TACR1: variants seen among roughly 807,000 people sequenced by gnomAD.
TACR1 encodes the protein tachykinin receptor 1.
A neutral mutation model predicts 35.8 loss-of-function variants in TACR1; 25 were observed. The observed-to-expected ratio is 0.70, with a 90% CI of 0.51 to 0.98. TACR1 has a LOEUF of 0.98. Ranked by LOEUF, TACR1 falls within the 50% of genes least tolerant of loss-of-function variation. TACR1 has a pLI of 0.00. For synonymous variants in TACR1, 195 were observed against 206.7 expected (o/e 0.94, Z 0.48); for missense variants, 478 against 522.9 (o/e 0.91, Z 0.84).
At chr2:75,118,584 C>T (rs1252676974) in intron 2 of TACR1, among the ~76,000 whole-genome samples, 3 of 152,096 alleles carry the variant, frequency 2.0e-5, no homozygotes, top group African/African-American at 2.4e-5. Flanking sequence ...ATTAAGACTC[C>T]CCCAAAATAT....
intron 2 of TACR1, among the ~76,000 whole-genome samples, chr2:75,113,014 C>T (rs903368895): frequency 1.3e-5 from 2 of 152,120 alleles, no homozygotes; most frequent in Non-Finnish European, 2.9e-5. Context: ...ACCAAATCTC[C>T]ATAATAAATG....
At chr2:75,073,021 A>G (rs1672912341) in intron 2 of TACR1, among the ~76,000 whole-genome samples, 1 of 152,178 alleles carries the variant, frequency 6.6e-6, no homozygotes, top group Non-Finnish European at 1.5e-5. Flanking sequence ...ATACTATCTC[A>G]ACACCAGAAA....
intron 2 of TACR1, among the ~76,000 whole-genome samples, chr2:75,073,931 T>A (rs1672929047): frequency 1.3e-5 from 2 of 152,182 alleles, no homozygotes; most frequent in African/African-American, 2.4e-5. Context: ...TCAAGGGCTG[T>A]GAACCTGAAG....
intron 1 of TACR1, among the ~76,000 whole-genome samples, chr2:75,152,971 C>T (rs753585256): frequency 3.9e-5 from 6 of 152,190 alleles, no homozygotes; most frequent in Non-Finnish European, 7.4e-5. Context: ...AGCGCAATCT[C>T]GGCTCACTGC....
chr2:75,100,290 C>G (rs538883248), intron 2 of TACR1, among the ~76,000 whole-genome samples: 1 of 152,346 alleles, frequency 6.6e-6, no homozygotes, highest in South Asian at 2.1e-4. Flanking sequence ...ATGCAAAGTT[C>G]TTGGCAGAGT....
At chr2:75,171,908 CTG>C (rs1265119172) in intron 1 of TACR1, among the ~76,000 whole-genome samples, 1 of 152,036 alleles carries the variant, frequency 6.6e-6, no homozygotes, top group East Asian at 1.9e-4. Flanking sequence ...AGACTTTGGA[CTG>C]TGTTTTTTTG....
intron 2 of TACR1, among the ~76,000 whole-genome samples, chr2:75,089,580 T>A (rs912130381): frequency 6.6e-6 from 1 of 152,166 alleles, no homozygotes; most frequent in Admixed American, 6.6e-5. Context: ...TTTAAAAAAA[T>A]AAGTGGAGCC....
At chr2:75,186,959 G>A (rs901726920) in intron 1 of TACR1, 2 of 152,270 alleles carry the variant, frequency 1.3e-5, no homozygotes, top group Non-Finnish European at 2.9e-5. Context: ...AAGAAAAAAG[G>A]ATGAAAACTT....
chr2:75,066,832 T>C (rs576014387), intron 2 of TACR1, among the ~76,000 whole-genome samples: 1 of 152,346 alleles, frequency 6.6e-6, no homozygotes, highest in South Asian at 2.1e-4. Flanking sequence ...GGATACTACA[T>C]TAATCAATTT....
chr2:75,149,314 C>G (rs1014014048), intron 1 of TACR1, among the ~76,000 whole-genome samples: 2 of 152,150 alleles, frequency 1.3e-5, no homozygotes. Flanking sequence ...AGAAACGAAT[C>G]TATAAATTAC....
chr2:75,178,324 G>A (rs56204739), intron 1 of TACR1, among the ~76,000 whole-genome samples: 22,193 of 151,486 alleles, frequency 0.15, 1,833 homozygotes, highest in East Asian at 0.32. Flanking sequence ...AGCTGGGATT[G>A]CAGGCACCCT....
intron 1 of TACR1, among the ~76,000 whole-genome samples, chr2:75,179,871 T>G (rs1311966616): frequency 7.2e-5 from 11 of 152,226 alleles, no homozygotes; most frequent in Admixed American, 7.2e-4. Flanking sequence ...ATGAATAAAC[T>G]GCATGATAAA....
intron 1 of TACR1, among the ~76,000 whole-genome samples, chr2:75,170,635 A>C (rs768497175): frequency 8.5e-5 from 13 of 152,156 alleles, no homozygotes; most frequent in Non-Finnish European, 1.9e-4. Flanking sequence ...TTGACCCCAA[A>C]ATGCTGATGG....
chr2:75,059,142 G>A (rs1345537021), intron 2 of TACR1, among the ~76,000 whole-genome samples: 3 of 152,172 alleles, frequency 2.0e-5, no homozygotes, highest in Non-Finnish European at 4.4e-5. Flanking sequence ...AGGTCGAAGA[G>A]CATTGATAGA....
chr2:75,174,065 A>C (rs945067059), intron 1 of TACR1, among the ~76,000 whole-genome samples: 4 of 152,262 alleles, frequency 2.6e-5, no homozygotes, highest in Non-Finnish European at 5.9e-5. Flanking sequence ...AAACCCAGGA[A>C]CTTTTCCTGA....
intron 1 of TACR1, among the ~76,000 whole-genome samples, chr2:75,144,270 A>T (rs1674463609): frequency 6.6e-6 from 1 of 152,206 alleles, no homozygotes; most frequent in Non-Finnish European, 1.5e-5. Context: ...TGGGCTTCTG[A>T]GATAAAGTGG....
At position 75,083,834 on chromosome 2, in the gene TACR1, C is replaced by A. The variant is rs936201835; in HGVS notation, c.585-30079G>T. Among the ~76,000 whole-genome samples the A allele has an allele frequency of 2.5e-3, 387 of 152,040 alleles. 2 individuals carry two copies. Among genetic ancestry groups the A allele is most frequent in the Non-Finnish European group, 3.6e-3 (246 of 67,966 alleles). On this transcript the variant is annotated intron_variant, in intron 2 of 4. Coordinates refer to ENST00000305249, the MANE Select transcript of TACR1 (RefSeq NM_001058.4). ...GCTTAAGGAGATTTTGGGCTGAGACCATGGGGTTTTCTAGATATACAATCA... is the reference window on the plus strand; with the variant it reads ...GCTTAAGGAGATTTTGGGCTGAGACAATGGGGTTTTCTAGATATACAATCA...
At chr2:75,110,871 G>A (rs1673736299) in intron 2 of TACR1, among the ~76,000 whole-genome samples, 1 of 151,876 alleles carries the variant, frequency 6.6e-6, no homozygotes, top group Non-Finnish European at 1.5e-5. Context: ...CTACACATTT[G>A]AAAACTTTGA....
chr2:75,156,005 A>G (rs926445343), intron 1 of TACR1, among the ~76,000 whole-genome samples: 2 of 152,272 alleles, frequency 1.3e-5, no homozygotes, highest in African/African-American at 4.8e-5. Context: ...TTTCACAAGT[A>G]AAAATTCTAT....
Sources: allele counts gnomAD v4.1 joint callset (sites outside exome capture counted in the v4.1 genomes callset), GRCh38; gene constraint gnomAD v4.1.1; transcripts MANE v1.5; gene names NCBI Gene and HGNC (gene_info 2026-07-23, HGNC 2026-07-21).